Variants in MYO10 observed in about 807,000 individuals in gnomAD.
The protein encoded by MYO10 is unconventional myosin-X.
MYO10 carries 133 observed loss-of-function variants against 257.3 expected under a neutral mutation model. That is an observed-to-expected ratio of 0.52 (90% CI 0.45 to 0.60). The LOEUF (loss-of-function observed/expected upper bound fraction) is 0.60, where lower values mean the gene tolerates loss of function less well. Ranked by LOEUF, MYO10 falls within the 20% of genes least tolerant of loss-of-function variation. MYO10 has a pLI of 0.00. For synonymous variants in MYO10, 1,104 were observed against 1,028.6 expected (o/e 1.07, Z -1.40); for missense variants, 2,399 against 2,635.7 (o/e 0.91, Z 1.97).
At chr5:16,730,698 C>G (rs1020720001) in intron 19 of MYO10, among the ~76,000 whole-genome samples, 1 of 152,166 alleles carries the variant, frequency 6.6e-6, no homozygotes, top group South Asian at 2.1e-4. Context: ...ACCCAGGTTC[C>G]CTGGCCCCTG....
At chr5:16,697,807 T>C (rs191782475) in intron 26 of MYO10, among the ~76,000 whole-genome samples, 1 of 150,758 alleles carries the variant, frequency 6.6e-6, no homozygotes, top group Admixed American at 6.6e-5. Flanking sequence ...AGAAGACAAA[T>C]TTAAAAATCA....
chr5:16,750,027 A>T (rs1158774170), intron 19 of MYO10, among the ~76,000 whole-genome samples: 1 of 152,146 alleles, frequency 6.6e-6, no homozygotes, highest in Non-Finnish European at 1.5e-5. Context: ...ACTTTTGGGT[A>T]CCACCGCCAC....
intron 29 of MYO10, among the ~76,000 whole-genome samples, chr5:16,685,431 T>TGA (rs1269156068): frequency 6.6e-6 from 1 of 152,024 alleles, no homozygotes; most frequent in Non-Finnish European, 1.5e-5. Context: ...AGGTTGGTCT[T>TGA]GAACTCCTGG....
chr5:16,897,236 T>A, intron 1 of MYO10, among the ~76,000 whole-genome samples: 1 of 151,346 alleles, frequency 6.6e-6, no homozygotes, highest in South Asian at 2.1e-4. Context: ...ATTTTAGAAG[T>A]TCCCACAGAA....
intron 19 of MYO10, among the ~76,000 whole-genome samples, chr5:16,747,244 A>G (rs970925056): frequency 1.3e-5 from 2 of 152,172 alleles, no homozygotes; most frequent in African/African-American, 2.4e-5. Flanking sequence ...CACCACCCCA[A>G]TACTGACCTA....
At chr5:16,752,335 T>A (rs935751264) in intron 19 of MYO10, among the ~76,000 whole-genome samples, 1 of 152,122 alleles carries the variant, frequency 6.6e-6, no homozygotes, top group Non-Finnish European at 1.5e-5. Flanking sequence ...CAGGCTGGAG[T>A]GCAGTGGCGT....
Position 16,702,526 on chromosome 5 carries a change from G to A in MYO10, c.2556+17C>T. On this transcript the variant is annotated intron_variant, in intron 24 of 40. Coordinates refer to ENST00000513610, the MANE Select transcript of MYO10 (RefSeq NM_012334.3). ...AAGTAGAAACACAAGAGGCTAAGTT[G>A]TCACTGCACTCATTACCTGCTGGGC... 6.3e-7 allele frequency: 1 copy of A among 1,586,640 alleles called. No homozygotes were observed. Among genetic ancestry groups the A allele is most frequent in the East Asian group, 2.3e-5 (1 of 44,044 alleles).
At chr5:16,840,471 C>T (rs1743445804) in intron 2 of MYO10, among the ~76,000 whole-genome samples, 1 of 151,976 alleles carries the variant, frequency 6.6e-6, no homozygotes, top group Non-Finnish European at 1.5e-5. Context: ...AGAGCTTAAG[C>T]ATACCTGTCC....
At chr5:16,705,345 T>C (rs180845113) in intron 21 of MYO10, among the ~76,000 whole-genome samples, 144 of 152,310 alleles carry the variant, frequency 9.5e-4, no homozygotes, top group African/African-American at 3.4e-3. Flanking sequence ...ACTAAATAAA[T>C]TGTAGCTGTT....
chr5:16,820,526 C>G (rs910328793), intron 2 of MYO10, among the ~76,000 whole-genome samples: 1 of 152,140 alleles, frequency 6.6e-6, no homozygotes, highest in Non-Finnish European at 1.5e-5. Context: ...GCCAGCGCAA[C>G]TCGAGTTCCC....
intron 37 of MYO10, among the ~76,000 whole-genome samples, chr5:16,672,308 A>AAAAAAAAAAAG (rs397796808): frequency 6.6e-6 from 1 of 151,832 alleles, no homozygotes; most frequent in African/African-American, 2.4e-5. Context: ...AAAAAAAAAA[A>AAAAAAAAAAAG]GTAGGTCCAT....
chr5:16,894,490 C>T (rs1349371602), intron 1 of MYO10, among the ~76,000 whole-genome samples: 3 of 152,048 alleles, frequency 2.0e-5, no homozygotes, highest in African/African-American at 2.4e-5. Flanking sequence ...ATTTCCTCAT[C>T]GAATGTAGAG....
chr5:16,879,139 A>T (rs1744691334), intron 1 of MYO10, among the ~76,000 whole-genome samples: 1 of 152,206 alleles, frequency 6.6e-6, no homozygotes, highest in Non-Finnish European at 1.5e-5. Flanking sequence ...CTTATGAATC[A>T]ATGTATTCAA....
chr5:16,790,005 C>A (rs1360020416), intron 4 of MYO10, among the ~76,000 whole-genome samples: 1 of 151,988 alleles, frequency 6.6e-6, no homozygotes, highest in Non-Finnish European at 1.5e-5. Context: ...TCCCACTCCA[C>A]CTCTTTCATC....
chr5:16,702,127 C>A (rs895429957), intron 24 of MYO10, among the ~76,000 whole-genome samples: 1 of 152,146 alleles, frequency 6.6e-6, no homozygotes, highest in Non-Finnish European at 1.5e-5. Context: ...AAAAAGGCTG[C>A]GTGAGGACAC....
intron 11 of MYO10, among the ~76,000 whole-genome samples, chr5:16,765,365 G>A (rs1312358153): frequency 2.0e-5 from 3 of 152,078 alleles, no homozygotes; most frequent in South Asian, 2.1e-4. Flanking sequence ...CTAGAACATC[G>A]GACTCCAAGT....
At chr5:16,889,380 T>C (rs1744980131) in intron 1 of MYO10, among the ~76,000 whole-genome samples, 1 of 150,090 alleles carries the variant, frequency 6.7e-6, no homozygotes, top group African/African-American at 2.5e-5. Context: ...TACTCCAGCC[T>C]GGGCAACACA....
chr5:16,665,193 ACT>A lies in MYO10; in HGVS notation c.*1497_*1498del, dbSNP rs1259171714. The A allele has an allele frequency of 6.8e-6, 1 of 146,838 alleles. No homozygotes were observed. Among genetic ancestry groups the A allele is most frequent in the East Asian group, 2.0e-4 (1 of 5,006 alleles). 9.1% of individuals were successfully genotyped at this position (146,838 alleles called of 1,614,324 possible). On this transcript the variant is annotated 3_prime_UTR_variant, in exon 41 of 41. Coordinates refer to ENST00000513610, the MANE Select transcript of MYO10 (RefSeq NM_012334.3). The stretch of plus-strand genomic sequence containing the variant: ...ACTCCAGCCTGGGTAACAGAGTGAG[ACT>A]CTGTCTCTAAAGAAAAAAAAAAAAA...
intron 6 of MYO10, 72 bp downstream of exon 6, chr5:16,781,633 C>T: frequency 7.0e-7 from 1 of 1,426,048 alleles, no homozygotes; most frequent in Non-Finnish European, 9.6e-7. Context: ...TTTTTCAATC[C>T]TTATAATTAG....
Sources: gnomAD v4.1 joint callset for allele counts (sites outside exome capture counted in the v4.1 genomes callset) on GRCh38, gnomAD v4.1.1 for gene constraint, MANE v1.5 for transcripts, NCBI Gene and HGNC (gene_info 2026-07-23, HGNC 2026-07-21) for gene names.